Variants in SNPH observed in about 807,000 individuals in gnomAD.
SNPH encodes the protein syntaphilin.
In SNPH, 10 loss-of-function variants were observed where a neutral mutation model predicts 36.8. The observed-to-expected ratio is 0.27, with a 90% CI of 0.17 to 0.46. SNPH has a LOEUF of 0.46. SNPH is among the 20% of genes least tolerant of loss of function. SNPH has a pLI of 1.00. For synonymous variants in SNPH, 281 were observed against 312.2 expected (o/e 0.90, Z 1.05); for missense variants, 622 against 744.0 (o/e 0.84, Z 1.91).
intron 2 of SNPH, among the ~76,000 whole-genome samples, chr20:1,289,037 T>C (rs1008658754): frequency 3.3e-5 from 5 of 152,282 alleles, no homozygotes; most frequent in East Asian, 1.9e-4. Flanking sequence ...CTCATCTCCA[T>C]TGTGGTATCT....
intron 6 of SNPH, 54 bp downstream of exon 6, chr20:1,300,765 G>A (rs975725899): frequency 7.1e-6 from 11 of 1,544,236 alleles, no homozygotes; most frequent in Middle Eastern, 2.4e-4. Flanking sequence ...TCCACACTCA[G>A]GGAAACCAGG....
intron 5 of SNPH, among the ~76,000 whole-genome samples, 195 bp downstream of exon 5, chr20:1,297,447 C>A (rs2088452690): frequency 6.6e-6 from 1 of 152,222 alleles, no homozygotes; most frequent in South Asian, 2.1e-4. Flanking sequence ...TGATAATATA[C>A]AGCTGGACAT....
At chr20:1,272,678 TG>T (rs1273627274) in intron 2 of SNPH, among the ~76,000 whole-genome samples, 1 of 152,256 alleles carries the variant, frequency 6.6e-6, no homozygotes, top group Non-Finnish European at 1.5e-5. Context: ...CAGTCATTAT[TG>T]GCTGGCCCAC....
At chr20:1,284,231 A>C (rs2088258721) in intron 2 of SNPH, among the ~76,000 whole-genome samples, 1 of 152,200 alleles carries the variant, frequency 6.6e-6, no homozygotes, top group African/African-American at 2.4e-5. Flanking sequence ...AGAAAGGACT[A>C]TAATAATATA....
Position 1,306,058 on chromosome 20 carries a change from GGCCCATTCTGGCAGCGGC to G in SNPH, c.*8_*25del. On this transcript the variant is annotated 3_prime_UTR_variant, in exon 7 of 7. Coordinates refer to ENST00000381867, the MANE Select transcript of SNPH (RefSeq NM_001318234.2). ...GGGCGGCGGCTCCCAGCTCTGAGGG[GGCCCATTCTGGCAGCGGC>G]GCCTGCGGCCTGACCACTGATTGTA... 1 of 1,443,448 alleles carries G rather than the reference GGCCCATTCTGGCAGCGGC, an allele frequency of 6.9e-7. No individual in the cohort carries two copies. The highest frequency in any genetic ancestry group is 9.1e-7 in the Non-Finnish European group (1 of 1,100,826). 89.4% of individuals were successfully genotyped at this position (1,443,448 alleles called of 1,614,324 possible).
In SNPH at chr20:1,302,811, C is replaced by T. The variant is rs146793566; in HGVS notation, c.441-2067C>T. Among the ~76,000 whole-genome samples the T allele has an allele frequency of 1.7e-3, 264 of 152,332 alleles. 3 individuals are homozygous for T. The highest frequency in any genetic ancestry group is 6.2e-3 in the African/African-American group (256 of 41,570). On this transcript the variant is annotated intron_variant, in intron 6 of 6. Transcript: ENST00000381867. ...ATTTGTTGTGGTTTTAAACTACAGGCGGTTACGGGTAGCATTCAGCGAGCT... is the reference window on the plus strand; with the variant it reads ...ATTTGTTGTGGTTTTAAACTACAGGTGGTTACGGGTAGCATTCAGCGAGCT...
chr20:1,281,318 A>G (rs886496960), intron 2 of SNPH, among the ~76,000 whole-genome samples: 2 of 152,074 alleles, frequency 1.3e-5, no homozygotes, highest in Non-Finnish European at 2.9e-5. Flanking sequence ...GCTTCTCTTC[A>G]TCTCTTCCCA....
intron 4 of SNPH, among the ~76,000 whole-genome samples, chr20:1,296,634 C>A (rs755053227): frequency 6.6e-6 from 1 of 152,236 alleles, no homozygotes; most frequent in Non-Finnish European, 1.5e-5. Context: ...AAGGTGTAAA[C>A]CACTGGATTC....
chr20:1,305,942 G>T lies in SNPH; in HGVS notation c.1505G>T (p.Ser502Ile). Reference sequence around the variant, plus strand: ...CAGGGCCAGCCCATCTACAACATCAGCTCCCTGCTGCGGGGCTGCTGCACT... The same window carrying T: ...CAGGGCCAGCCCATCTACAACATCATCTCCCTGCTGCGGGGCTGCTGCACT... ...RRQGQPIYNI[S>I]SLLRGCCTVA... The change falls in exon 7 of 7, where the codon AGC becomes ATC. Residue 502 changes from serine (S) to isoleucine (I), a missense_variant. Coordinates refer to ENST00000381867, the MANE Select transcript of SNPH (RefSeq NM_001318234.2). The T allele has an allele frequency of 6.3e-7, 1 of 1,582,288 alleles. No individual in the cohort carries two copies.
rs374032707 is a variant in SNPH, at chr20:1,295,324, G to A, written c.-465+346G>A. 1.2e-4 allele frequency among the ~76,000 whole-genome samples: 18 copies of A among 152,320 alleles called. No homozygotes were observed. The East Asian group carries it at 3.3e-3, about 28-fold the overall frequency. ...TGGAAAGGCTGCCCTTGGAACCCAA[G>A]CCTCTACCCAGGAAAGAAGCCTAAG... On this transcript the variant is annotated intron_variant, in intron 3 of 6. Transcript: ENST00000381867.
At chr20:1,271,600 C>A (rs762158070) in intron 2 of SNPH, among the ~76,000 whole-genome samples, 3 of 152,104 alleles carry the variant, frequency 2.0e-5, no homozygotes, top group Non-Finnish European at 4.4e-5. Context: ...CCTTGGCCTC[C>A]CAAAGTGTCT....
intron 4 of SNPH, 52 bp from the exon 5 acceptor site, chr20:1,297,093 C>G: frequency 9.6e-6 from 15 of 1,561,872 alleles, no homozygotes; most frequent in Non-Finnish European, 1.3e-5. Flanking sequence ...GCCCAGTGTC[C>G]GCAGCTGCCC....
rs1274147291 is a variant in SNPH at position 1,289,600 on chromosome 20, A to G, written c.-492-5351A>G. 3.3e-5 allele frequency among the ~76,000 whole-genome samples: 5 copies of G among 150,778 alleles called. No individual in the cohort carries two copies. The East Asian group carries it at 9.8e-4, about 30-fold the overall frequency. On this transcript the variant is annotated intron_variant, in intron 2 of 6. Transcript: ENST00000381867. ...GTGGCTCACACCTGTAATCCCAGCA[A>G]CTCAGGAGGTGACGCTGGTGGATGG...
chr20:1,298,746 G>T (rs1217371822), intron 5 of SNPH, among the ~76,000 whole-genome samples: 1 of 151,632 alleles, frequency 6.6e-6, no homozygotes, highest in Non-Finnish European at 1.5e-5. Context: ...CAAATAGCCA[G>T]GCTTTCCAAG....
Position 1,276,205 on chromosome 20 carries a change from C to T in SNPH, c.-493+9445C>T, listed in dbSNP as rs903916788. Among the ~76,000 whole-genome samples, 3 of 151,798 alleles carry T rather than the reference C, an allele frequency of 2.0e-5. No individual in the cohort carries two copies. Among genetic ancestry groups the T allele is most frequent in the Admixed American group, 2.0e-4 (3 of 15,216 alleles). On this transcript the variant is annotated intron_variant, in intron 2 of 6. Transcript: ENST00000381867. The surrounding 1 kb of genome is among the most constrained non-coding windows in gnomAD (Gnocchi z 4.6). ...CTGTCTGTGGCTTCCTTCTGGAGAGCCCCTTCCCCCTCCACAGGAGGGGGG... is the reference window on the plus strand; with the variant it reads ...CTGTCTGTGGCTTCCTTCTGGAGAGTCCCTTCCCCCTCCACAGGAGGGGGG...
At chr20:1,302,750 T>G (rs1379330582) in intron 6 of SNPH, among the ~76,000 whole-genome samples, 1 of 152,264 alleles carries the variant, frequency 6.6e-6, no homozygotes, top group Non-Finnish European at 1.5e-5. Flanking sequence ...ACATCGTTCT[T>G]GACCACAGCT....
chr20:1,266,593 C>T lies in SNPH; in HGVS notation c.-599-61C>T. 7.1e-7 allele frequency: 1 copy of T among 1,414,920 alleles called. No homozygotes were observed. The highest frequency in any genetic ancestry group is 1.6e-5 in the South Asian group (1 of 61,344). The allele number at this position is 1,414,920 out of a possible 1,614,324, so 87.6% of individuals were successfully genotyped here. ...CTGTCAGCGGCCGGGGGCTCAGCTGCCTGGGTGTTCCCCGCCCGCGCTCAC... is the reference window on the plus strand; with the variant it reads ...CTGTCAGCGGCCGGGGGCTCAGCTGTCTGGGTGTTCCCCGCCCGCGCTCAC... On this transcript the variant is annotated intron_variant, in intron 1 of 6. Transcript: ENST00000381867. The surrounding 1 kb of genome is among the most constrained non-coding windows in gnomAD (Gnocchi z 6.0).
chr20:1,297,004 GTC>G, intron 4 of SNPH, 139 bp from the exon 5 acceptor site: 2 of 1,401,706 alleles, frequency 1.4e-6, no homozygotes, highest in South Asian at 1.6e-5. Context: ...CTGTCTGTGC[GTC>G]TCTCTCTCCC....
chr20:1,275,732 A>G (rs2088123809), intron 2 of SNPH, among the ~76,000 whole-genome samples: 1 of 152,102 alleles, frequency 6.6e-6, no homozygotes, highest in South Asian at 2.1e-4. Context: ...CAAGGTTGCT[A>G]GCCCTGGACC....
Sources: gnomAD v4.1 joint callset for allele counts (sites outside exome capture counted in the v4.1 genomes callset) on GRCh38, gnomAD v4.1.1 for gene constraint, Gnocchi (gnomAD v3.1) non-coding constraint, MANE v1.5 for transcripts, NCBI Gene and HGNC (gene_info 2026-07-23, HGNC 2026-07-21) for gene names.